Variants in EVA1C observed in about 807,000 individuals in gnomAD.
EVA1C encodes the protein protein eva-1 homolog C.
Under a neutral mutation model 45.4 loss-of-function variants are expected in EVA1C, and 25 were observed. The ratio of observed to expected loss-of-function variants is 0.55; its 90% CI spans 0.40 to 0.77. EVA1C has a LOEUF of 0.77. Among genes scored for constraint, EVA1C ranks in the 30% least tolerant of loss-of-function variants. The probability of loss-of-function intolerance (pLI) is 0.00; values close to 1 mark genes in which losing one functional copy is unlikely to be tolerated. For missense variants in EVA1C, 479 were observed against 554.8 expected (o/e 0.86, Z 1.37); for synonymous variants, 190 against 221.2 (o/e 0.86, Z 1.25).
At chr21:32,479,095 A>G (rs911111608) in intron 4 of EVA1C, among the ~76,000 whole-genome samples, 3 of 152,238 alleles carry the variant, frequency 2.0e-5, no homozygotes, top group Non-Finnish European at 4.4e-5. Context: ...TTGTTATCAC[A>G]TGTATTGGGG....
At chr21:32,432,077 G>A (rs537925459) in intron 1 of EVA1C, among the ~76,000 whole-genome samples, 13 of 152,078 alleles carry the variant, frequency 8.5e-5, no homozygotes, top group Non-Finnish European at 1.6e-4. Context: ...AAGAACGCAA[G>A]ATGGTTATTT....
chr21:32,496,780 T>G, intron 5 of EVA1C: 1 of 715,292 alleles, frequency 1.4e-6, no homozygotes, highest in Non-Finnish European at 2.5e-6. Context: ...GAGACACTGC[T>G]GGGCTGGGGC....
At chr21:32,424,539 T>A (rs2833809) in intron 1 of EVA1C, among the ~76,000 whole-genome samples, 83,322 of 152,082 alleles carry the variant, frequency 0.55, 24,905 homozygotes, top group African/African-American at 0.78. Context: ...ATTAAGGGAT[T>A]GTCATTTTAA....
chr21:32,413,064 G>T, intron 1 of EVA1C, 51 bp downstream of exon 1: 4 of 1,310,336 alleles, frequency 3.1e-6, no homozygotes, highest in Non-Finnish European at 3.9e-6. Flanking sequence ...GAGCGCCCAG[G>T]TGAACCCTCG....
chr21:32,413,264 C>T (rs1049249124), intron 1 of EVA1C, among the ~76,000 whole-genome samples: 1 of 152,262 alleles, frequency 6.6e-6, no homozygotes, highest in Non-Finnish European at 1.5e-5. Context: ...TTGACCTCGT[C>T]AATTTCCTAG....
chr21:32,510,398 G>A (rs1236871005), intron 7 of EVA1C, among the ~76,000 whole-genome samples: 2 of 152,118 alleles, frequency 1.3e-5, no homozygotes, highest in East Asian at 1.9e-4. Context: ...GCTTAGGAGA[G>A]GGAAGAGGCC....
chr21:32,508,927 A>G (rs2037860388), intron 7 of EVA1C, among the ~76,000 whole-genome samples: 1 of 152,238 alleles, frequency 6.6e-6, no homozygotes, highest in African/African-American at 2.4e-5. Context: ...GGATGAACCA[A>G]GGCTAAATTT....
At position 32,412,808 on chromosome 21, in the gene EVA1C, C is replaced by G; in HGVS notation, c.-46C>G. 7.4e-7 allele frequency: 1 copy of G among 1,343,686 alleles called. No homozygotes were observed. The highest frequency in any genetic ancestry group is 9.5e-7 in the Non-Finnish European group (1 of 1,055,042). The allele number at this position is 1,343,686 out of a possible 1,614,324, so 83.2% of individuals were successfully genotyped here. A position where few individuals can be genotyped will look rare whatever the true frequency, so the allele number is the denominator to read the frequency against. On this transcript the variant is annotated 5_prime_UTR_variant, in exon 1 of 8. Transcript: ENST00000300255. ...GACGCCGTCCTTAGCCCTGCGACCC[C>G]CAGCGCGTCCCGGGCCTGCGCCTCC... is the stretch of plus-strand genomic sequence containing the variant.
chr21:32,496,498 T>C (rs2037356698), intron 5 of EVA1C, among the ~76,000 whole-genome samples: 1 of 152,230 alleles, frequency 6.6e-6, no homozygotes, highest in African/African-American at 2.4e-5. Context: ...ACAGGAGGGA[T>C]GGCTTTACCT....
intron 7 of EVA1C, among the ~76,000 whole-genome samples, chr21:32,507,576 GTATATGT>G (rs2037772915): frequency 1.3e-5 from 2 of 151,652 alleles, no homozygotes; most frequent in Non-Finnish European, 2.9e-5. Context: ...GTGTGCATGT[GTATATGT>G]GTGTGCATGT....
At chr21:32,464,891 A>G (rs540990904) in intron 3 of EVA1C, among the ~76,000 whole-genome samples, 38 of 152,306 alleles carry the variant, frequency 2.5e-4, no homozygotes, top group African/African-American at 8.7e-4. Context: ...GGAGCTTAGC[A>G]TCACTGACAC....
At chr21:32,470,498 C>G (rs2036331154) in intron 4 of EVA1C, among the ~76,000 whole-genome samples, 1 of 152,176 alleles carries the variant, frequency 6.6e-6, no homozygotes, top group African/African-American at 2.4e-5. Context: ...AGGTGGGTCC[C>G]CATTGTCCAT....
intron 1 of EVA1C, among the ~76,000 whole-genome samples, chr21:32,430,068 G>A (rs141208808): frequency 0.012 from 1,789 of 152,348 alleles, 16 homozygotes; most frequent in Middle Eastern, 0.054. Flanking sequence ...GGGCAGGGCA[G>A]AGGGGGGCAC....
chr21:32,453,398 A>G lies in EVA1C; in HGVS notation c.247A>G (p.Ile83Val), dbSNP rs1366245109. 6.2e-7 allele frequency: 1 copy of G among 1,611,690 alleles called. No homozygotes were observed. Among genetic ancestry groups the G allele is most frequent in the South Asian group, 1.1e-5 (1 of 90,962 alleles). ...LNLQCPRHST[I>V]SVQSAFYGQD... is the part of the protein sequence containing the mutation. ...TCTACAGTGCCCTCGGCATTCTACG[A>G]TAAGTGTCCAATCGGCATTTTATGG... Residue 83 changes from isoleucine to valine, a missense_variant, in exon 2 of 8, where the codon ATA becomes GTA. Physicochemically the swap from Ile to Val is conservative, Grantham distance 29. Transcript: ENST00000300255.
chr21:32,439,863 G>A (rs2833829), intron 1 of EVA1C, among the ~76,000 whole-genome samples: 23,029 of 152,034 alleles, frequency 0.15, 2,050 homozygotes, highest in East Asian at 0.27. Context: ...AAAAAAAAAG[G>A]TTTAATTATT....
intron 1 of EVA1C, among the ~76,000 whole-genome samples, chr21:32,443,756 C>A (rs1292411701): frequency 1.3e-5 from 2 of 152,168 alleles, no homozygotes; most frequent in Non-Finnish European, 2.9e-5. Flanking sequence ...TTACAGATAA[C>A]AATAACCAAA....
intron 4 of EVA1C, among the ~76,000 whole-genome samples, chr21:32,488,443 C>G (rs555920120): frequency 9.2e-5 from 14 of 152,316 alleles, no homozygotes; most frequent in African/African-American, 3.4e-4. Flanking sequence ...TTCCTTTTCT[C>G]CACACCCTCT....
At chr21:32,479,207 G>A (rs2036689912) in intron 4 of EVA1C, among the ~76,000 whole-genome samples, 1 of 152,208 alleles carries the variant, frequency 6.6e-6, no homozygotes, top group Admixed American at 6.5e-5. Flanking sequence ...GATTGCTTGA[G>A]GTCAGGAGTT....
Position 32,476,680 on chromosome 21 carries a change from G to T in EVA1C, c.634+8832G>T, listed in dbSNP as rs577143407. ...TAATAATAAGTTCAAGAGGAAGAGG[G>T]TGGAGAAGTAGGGGCATGTGTGTGA... On this transcript the variant is annotated intron_variant, in intron 4 of 7. Transcript: ENST00000300255. Among the ~76,000 whole-genome samples, 3 of 152,108 alleles carry T rather than the reference G, an allele frequency of 2.0e-5. No individual in the cohort carries two copies. The South Asian group carries it at 6.2e-4, about 32-fold the overall frequency.
Sources: allele counts gnomAD v4.1 joint callset (sites outside exome capture counted in the v4.1 genomes callset), GRCh38; gene constraint gnomAD v4.1.1; transcripts MANE v1.5; gene names NCBI Gene and HGNC (gene_info 2026-07-23, HGNC 2026-07-21).